The following TMEM120B variants were observed in gnomAD, a reference collection of about 807,000 sequenced individuals.
The protein encoded by TMEM120B is transmembrane protein 120B.
A neutral mutation model predicts 55.5 loss-of-function variants in TMEM120B; 31 were observed. That is an observed-to-expected ratio of 0.56 (90% confidence interval 0.42 to 0.75). TMEM120B has a LOEUF of 0.75. Among genes scored for constraint, TMEM120B ranks in the 30% least tolerant of loss-of-function variants. The pLI is 0.00. For missense variants in TMEM120B, 399 were observed against 425.5 expected, an observed-to-expected ratio of 0.94 and a Z score of 0.55; for synonymous variants, 203 against 176.3, an observed-to-expected ratio of 1.15 and a Z score of -1.20.
chr12:121,757,218 GT>G (rs1168403921), intron 5 of TMEM120B, among the ~76,000 whole-genome samples: 2 of 151,882 alleles, frequency 1.3e-5, no homozygotes, highest in African/African-American at 4.8e-5. Context: ...CTGGAGTACA[GT>G]GGTGTGATCT....
Position 121,751,694 on chromosome 12 carries a change from G to A in TMEM120B, c.366-434G>A, listed in dbSNP as rs937045764. On this transcript the variant is annotated intron_variant, in intron 4 of 11. Coordinates refer to ENST00000449592, the MANE Select transcript of TMEM120B (RefSeq NM_001080825.2). Reference sequence around the variant, plus strand: ...TCCCTTCCTCCAAGTCAGTATGTTGGGTGGACAGGACTTCCCATTTCGCAC... The same window carrying A: ...TCCCTTCCTCCAAGTCAGTATGTTGAGTGGACAGGACTTCCCATTTCGCAC... Among the ~76,000 whole-genome samples, 4 of 143,250 alleles carry A rather than the reference G, an allele frequency of 2.8e-5. No individual in the cohort carries two copies. In the East Asian group the frequency reaches 9.2e-4, roughly 33 times the overall value. The allele number at this position is 143,250 out of a possible 152,430, so 94.0% of individuals were successfully genotyped here. A position where few individuals can be genotyped will look rare whatever the true frequency, so the allele number is the denominator to read the frequency against.
At chr12:121,753,258 A>G (rs952875088) in intron 5 of TMEM120B, among the ~76,000 whole-genome samples, 2 of 152,236 alleles carry the variant, frequency 1.3e-5, no homozygotes, top group Admixed American at 6.5e-5. Flanking sequence ...CAGAACAGGC[A>G]AATCTATAGA....
intron 5 of TMEM120B, among the ~76,000 whole-genome samples, chr12:121,756,377 A>G (rs1055144036): frequency 6.6e-6 from 1 of 152,204 alleles, no homozygotes; most frequent in Non-Finnish European, 1.5e-5. Flanking sequence ...ATGCATCTGT[A>G]ATCCCAGCTA....
intron 5 of TMEM120B, among the ~76,000 whole-genome samples, chr12:121,752,929 C>T (rs940255857): frequency 4.6e-5 from 7 of 151,916 alleles, no homozygotes; most frequent in Non-Finnish European, 8.8e-5. Context: ...GCAAGACCCC[C>T]ATCTCTACAA....
At chr12:121,731,675 A>G (rs977349627) in intron 1 of TMEM120B, among the ~76,000 whole-genome samples, 4 of 152,268 alleles carry the variant, frequency 2.6e-5, no homozygotes, top group African/African-American at 9.6e-5. Flanking sequence ...GCATCGCCTA[A>G]TAATGCATTT....
chr12:121,714,557 CTTTTTTTTTTTT>C (rs897759057), intron 1 of TMEM120B, among the ~76,000 whole-genome samples: 1 of 100,196 alleles, frequency 1.0e-5, no homozygotes, highest in Non-Finnish European at 2.0e-5. Flanking sequence ...TCAGCCACTT[CTTTTTTTTTTTT>C]TTTTTTTTTT....
At chr12:121,713,037 G>A in intron 1 of TMEM120B, 73 bp downstream of exon 1, 1 of 1,330,160 alleles carries the variant, frequency 7.5e-7, no homozygotes, top group Non-Finnish European at 1.0e-6. Context: ...GAGCCCCCCG[G>A]CCCGGGCGGT....
chr12:121,775,020 A>G lies in TMEM120B; in HGVS notation c.838-42A>G. 3 of 1,605,646 alleles carry G rather than the reference A, an allele frequency of 1.9e-6. No individual in the cohort carries two copies. Among genetic ancestry groups the G allele is most frequent in the Non-Finnish European group, 2.6e-6 (3 of 1,174,412 alleles). ...ACCCTGGCTTTCTACGTGGCCGGCC[A>G]GGGGAGTCTGGTGGGTGAGCAGCGC... On this transcript the variant is annotated intron_variant, in intron 10 of 11. Transcript: ENST00000449592. This position sits in a 1 kb window ranked among gnomAD's most constrained non-coding sequence, Gnocchi z 4.3.
At chr12:121,745,190 T>A (rs1247604365) in intron 2 of TMEM120B, among the ~76,000 whole-genome samples, 4 of 152,118 alleles carry the variant, frequency 2.6e-5, no homozygotes, top group Non-Finnish European at 5.9e-5. Context: ...GGTTGACCCG[T>A]GAGTTAGGGT....
intron 5 of TMEM120B, chr12:121,758,889 TGGA>T (rs1873575252): frequency 2.0e-6 from 2 of 979,330 alleles, no homozygotes; most frequent in Admixed American, 1.3e-4. Flanking sequence ...GTGGTCACCA[TGGA>T]GGAGGACGGC....
At chr12:121,743,515 G>A (rs1032366705) in intron 1 of TMEM120B, 114 bp from the exon 2 acceptor site, 46 of 727,430 alleles carry the variant, frequency 6.3e-5, no homozygotes, top group Non-Finnish European at 6.6e-5. Context: ...CCAAGATCAT[G>A]CCACTGCACT....
intron 1 of TMEM120B, among the ~76,000 whole-genome samples, chr12:121,729,998 C>T (rs1389731800): frequency 4.6e-5 from 7 of 152,004 alleles, no homozygotes; most frequent in African/African-American, 1.2e-4. Flanking sequence ...CGGTGGCTCA[C>T]GCCTGTAATC....
chr12:121,739,772 G>A (rs933649064), intron 1 of TMEM120B, among the ~76,000 whole-genome samples: 3 of 150,462 alleles, frequency 2.0e-5, no homozygotes, highest in Admixed American at 1.3e-4. Context: ...CAGCCTGGCC[G>A]GAAACTTTTG....
chr12:121,765,797 A>C (rs1003854246), intron 6 of TMEM120B, among the ~76,000 whole-genome samples: 2 of 152,116 alleles, frequency 1.3e-5, no homozygotes, highest in African/African-American at 4.8e-5. Flanking sequence ...GCTCCTCCTC[A>C]GGGCTGATTG....
intron 1 of TMEM120B, among the ~76,000 whole-genome samples, chr12:121,730,056 C>T (rs550300980): frequency 3.3e-5 from 5 of 151,682 alleles, no homozygotes; most frequent in South Asian, 2.1e-4. Flanking sequence ...GTCAGGAGAT[C>T]GATACCATCC....
At chr12:121,771,147 G>T (rs1469496222) in intron 7 of TMEM120B, among the ~76,000 whole-genome samples, 175 bp downstream of exon 7, 3 of 152,198 alleles carry the variant, frequency 2.0e-5, no homozygotes, top group Non-Finnish European at 4.4e-5. Flanking sequence ...CAGCCCGTGA[G>T]GGGTTCTCCA....
rs751392749 is a variant in TMEM120B at position 121,781,064 on chromosome 12, C to T, written c.*5342C>T. The T allele has an allele frequency of 2.5e-5, 41 of 1,613,844 alleles. No individual in the cohort carries two copies. The highest frequency in any genetic ancestry group is 2.5e-4 in the African/African-American group (19 of 74,940). ...GCCGGGCCCAGATGTGGGGCCACCACCCAGGAGGCCGGCCTCACCTTGATG... is the reference window on the plus strand; with the variant it reads ...GCCGGGCCCAGATGTGGGGCCACCATCCAGGAGGCCGGCCTCACCTTGATG... On this transcript the variant is annotated 3_prime_UTR_variant, in exon 12 of 12. Coordinates refer to ENST00000449592, the MANE Select transcript of TMEM120B (RefSeq NM_001080825.2).
Position 121,775,833 on chromosome 12 carries a change from TG to T in TMEM120B, c.*113del. ...CATCGCTGGGAGAGGGCCCAGGCCC[TG>T]GTCCCCCAGTGGACCCCAGTGGTCT... On this transcript the variant is annotated 3_prime_UTR_variant, in exon 12 of 12. Transcript: ENST00000449592. The surrounding 1 kb of genome is among the most constrained non-coding windows in gnomAD (Gnocchi z 4.3). 3 of 1,197,232 alleles carry T rather than the reference TG, an allele frequency of 2.5e-6. No homozygotes were observed. The highest frequency in any genetic ancestry group is 3.6e-6 in the Non-Finnish European group (3 of 829,430). 74.2% of individuals were successfully genotyped at this position (1,197,232 alleles called of 1,614,324 possible).
chr12:121,760,976 CCCATT>C (rs1873658594), intron 5 of TMEM120B, among the ~76,000 whole-genome samples: 1 of 151,976 alleles, frequency 6.6e-6, no homozygotes, highest in Admixed American at 6.6e-5. Context: ...CATTAAGTCT[CCCATT>C]CTTTTGTTTT....
Sources: gnomAD v4.1 joint callset for allele counts (sites outside exome capture counted in the v4.1 genomes callset) on GRCh38, gnomAD v4.1.1 for gene constraint, Gnocchi (gnomAD v3.1) non-coding constraint, MANE v1.5 for transcripts, NCBI Gene and HGNC (gene_info 2026-07-23, HGNC 2026-07-21) for gene names.